Variants in GIT2 observed in about 807,000 individuals in gnomAD.
The protein encoded by GIT2 is GIT ArfGAP 2, also known as ARF GTPase-activating protein GIT2.
In GIT2, 32 loss-of-function variants were observed where a neutral mutation model predicts 100.3. The ratio of observed to expected loss-of-function variants is 0.32; its 90% CI spans 0.24 to 0.43. The LOEUF (loss-of-function observed/expected upper bound fraction) is 0.43, where lower values mean the gene tolerates loss of function less well. Ranked by LOEUF, GIT2 falls within the 20% of genes least tolerant of loss-of-function variation. GIT2 has a pLI of 1.00. For synonymous variants in GIT2, 353 were observed against 364.1 expected, an observed-to-expected ratio of 0.97 and a Z score of 0.35; for missense variants, 737 against 975.1, an observed-to-expected ratio of 0.76 and a Z score of 3.25.
At chr12:109,955,476 C>T (rs1451952302) in intron 12 of GIT2, among the ~76,000 whole-genome samples, 1 of 152,154 alleles carries the variant, frequency 6.6e-6, no homozygotes, top group Non-Finnish European at 1.5e-5. Flanking sequence ...AATATTAGAT[C>T]AGTGCTTCTG....
intron 18 of GIT2, 45 bp downstream of exon 18, chr12:109,938,335 G>A (rs746516007): frequency 1.9e-5 from 26 of 1,396,020 alleles, no homozygotes; most frequent in Admixed American, 9.2e-5. Flanking sequence ...CTTTCTGGGC[G>A]CATAACTCAT....
chr12:109,961,446 C>T (rs1424896251), intron 10 of GIT2, 71 bp from the exon 11 acceptor site: 1 of 1,043,176 alleles, frequency 9.6e-7, no homozygotes, highest in Non-Finnish European at 1.5e-6. Context: ...AGGCACAGCT[C>T]ACGCACTACG....
At chr12:109,985,249 T>C (rs1350371583) in intron 4 of GIT2, among the ~76,000 whole-genome samples, 3 of 152,058 alleles carry the variant, frequency 2.0e-5, no homozygotes, top group Admixed American at 1.3e-4. Context: ...ATTACAGGGA[T>C]GTGCCACTGT....
intron 13 of GIT2, among the ~76,000 whole-genome samples, chr12:109,951,803 G>T (rs898932234): frequency 2.0e-5 from 3 of 152,200 alleles, no homozygotes; most frequent in Non-Finnish European, 4.4e-5. Context: ...TGTGGGAAAA[G>T]ATAAGACAGA....
Position 109,996,328 on chromosome 12 carries a change from A to T in GIT2, c.-104T>A. ...ACGGGTCCCAGCTGCGGCGGCGCTG[A>T]CGGCGGCGCCTCTCCCCTCAGCGCC... On this transcript the variant is annotated 5_prime_UTR_variant, in exon 1 of 20. Transcript: ENST00000355312. 1 of 773,526 alleles carries T rather than the reference A, an allele frequency of 1.3e-6. No individual in the cohort carries two copies. Among genetic ancestry groups the T allele is most frequent in the Non-Finnish European group, 2.0e-6 (1 of 495,348 alleles). The allele number at this position is 773,526 out of a possible 1,614,324, so 47.9% of individuals were successfully genotyped here.
At chr12:109,938,075 A>G (rs1873542995) in intron 18 of GIT2, among the ~76,000 whole-genome samples, 1 of 152,188 alleles carries the variant, frequency 6.6e-6, no homozygotes, top group Admixed American at 6.5e-5. Context: ...AGCGAGGTGT[A>G]AGGTAGCCCC....
chr12:109,964,195 C>G (rs1417254336), intron 9 of GIT2, among the ~76,000 whole-genome samples: 1 of 152,078 alleles, frequency 6.6e-6, no homozygotes, highest in Non-Finnish European at 1.5e-5. Context: ...CTATCTGACT[C>G]CAAAGCTTAT....
intron 7 of GIT2, among the ~76,000 whole-genome samples, chr12:109,968,873 T>C (rs1883139140): frequency 6.6e-6 from 1 of 151,900 alleles, no homozygotes; most frequent in African/African-American, 2.4e-5. Context: ...AGGCGTGCAC[T>C]GCTACACCCG....
chr12:109,933,864 G>C lies in GIT2; in HGVS notation c.2067+158C>G. Reference sequence around the variant, plus strand: ...GATCTGCCTGTCTCGGCCTCCCAAAGTGCTGGGGTTACAGGCGTGAGCCAC... The same window carrying C: ...GATCTGCCTGTCTCGGCCTCCCAAACTGCTGGGGTTACAGGCGTGAGCCAC... On this transcript the variant is annotated intron_variant, in intron 19 of 19. Coordinates refer to ENST00000355312, the MANE Select transcript of GIT2 (RefSeq NM_057169.5). This position sits in a 1 kb window ranked among gnomAD's most constrained non-coding sequence, Gnocchi z 4.5. 1.6e-6 allele frequency: 1 copy of C among 619,092 alleles called. No individual in the cohort carries two copies. The highest frequency in any genetic ancestry group is 1.8e-5 in the South Asian group (1 of 54,906). The allele number at this position is 619,092 out of a possible 1,614,324, so 38.3% of individuals were successfully genotyped here.
At chr12:109,988,470 T>C (rs745956640) in intron 4 of GIT2, among the ~76,000 whole-genome samples, 16 of 151,300 alleles carry the variant, frequency 1.1e-4, no homozygotes, top group Non-Finnish European at 2.2e-4. Flanking sequence ...AGAGCCTGGA[T>C]GGTCAAGGCT....
intron 16 of GIT2, chr12:109,939,873 CCT>C (rs1324292592): frequency 6.6e-6 from 1 of 152,186 alleles, no homozygotes; most frequent in Non-Finnish European, 1.5e-5. Flanking sequence ...AAGATAAGAC[CCT>C]GTCTCAGAAA....
intron 18 of GIT2, among the ~76,000 whole-genome samples, chr12:109,935,326 A>C (rs543012930): frequency 3.5e-4 from 54 of 152,344 alleles, no homozygotes; most frequent in African/African-American, 1.2e-3. Context: ...CACAGCCGTC[A>C]CATGTATCAT....
At chr12:109,960,505 C>T (rs1038936482) in intron 11 of GIT2, among the ~76,000 whole-genome samples, 3 of 151,858 alleles carry the variant, frequency 2.0e-5, no homozygotes, top group African/African-American at 4.8e-5. Context: ...CGCTTGGGTC[C>T]GGGAGGTGGA....
chr12:109,970,003 G>A (rs548247105), intron 7 of GIT2, among the ~76,000 whole-genome samples: 1 of 152,018 alleles, frequency 6.6e-6, no homozygotes, highest in East Asian at 1.9e-4. Context: ...TGATCCACCC[G>A]CCTTGACCTC....
rs1872510655 is a variant in GIT2, at chr12:109,934,727, A to G, written c.2004-642T>C. 6.6e-6 allele frequency among the ~76,000 whole-genome samples: 1 copy of G among 152,186 alleles called. No individual in the cohort carries two copies. The highest frequency in any genetic ancestry group is 1.5e-5 in the Non-Finnish European group (1 of 68,040). ...GAAGTTGGCTTCTGAATAGATTGTC[A>G]TAAGCAACTTATGCACTTCACCTTT... On this transcript the variant is annotated intron_variant, in intron 18 of 19. Transcript: ENST00000355312. This position sits in a 1 kb window ranked among gnomAD's most constrained non-coding sequence, Gnocchi z 4.5.
rs890226189 is a variant in GIT2, at chr12:109,952,364, C to T, written c.1242+728G>A. On this transcript the variant is annotated intron_variant, in intron 13 of 19. Coordinates refer to ENST00000355312, the MANE Select transcript of GIT2 (RefSeq NM_057169.5). ...CCGAGGTCTCTCCCACCCGCACCAT[C>T]CTAGCATGGGTCCTTAGGTGGCCTG... Among the ~76,000 whole-genome samples the T allele has an allele frequency of 2.0e-4, 30 of 152,122 alleles. 1 individual carries two copies. Among genetic ancestry groups the T allele is most frequent in the Middle Eastern group, 6.3e-3 (2 of 316 alleles).
intron 7 of GIT2, among the ~76,000 whole-genome samples, chr12:109,968,698 C>T (rs1030838079): frequency 6.6e-6 from 1 of 152,104 alleles, no homozygotes; most frequent in Admixed American, 6.6e-5. Context: ...GCTGGGATTA[C>T]AGGTGTGAGC....
chr12:109,979,783 G>A (rs890593986), intron 7 of GIT2, among the ~76,000 whole-genome samples: 1 of 152,110 alleles, frequency 6.6e-6, no homozygotes, highest in Non-Finnish European at 1.5e-5. Flanking sequence ...CAGGAGACAC[G>A]GTGGGGTGTG....
Position 109,967,403 on chromosome 12 carries a change from CAACCAAGGA to C in GIT2, c.764+46_764+54del, listed in dbSNP as rs973451876. On this transcript the variant is annotated intron_variant, in intron 8 of 19. Transcript: ENST00000355312. ...AAATATAATATACTTAAACATAATA[CAACCAAGGA>C]AATATTAGCGATAGACAAAACTAAC... The C allele has an allele frequency of 4.6e-6, 7 of 1,510,346 alleles. No homozygotes were observed. In the African/African-American group the frequency reaches 9.6e-5, roughly 21 times the overall value. The allele number at this position is 1,510,346 out of a possible 1,614,324, so 93.6% of individuals were successfully genotyped here. A position where few individuals can be genotyped will look rare whatever the true frequency, so the allele number is the denominator to read the frequency against.
Sources: allele counts gnomAD v4.1 joint callset (sites outside exome capture counted in the v4.1 genomes callset), GRCh38; gene constraint gnomAD v4.1.1; non-coding constraint Gnocchi (gnomAD v3.1); transcripts MANE v1.5; gene names NCBI Gene and HGNC (gene_info 2026-07-23, HGNC 2026-07-21).